Variants in GCNA observed in about 807,000 individuals in gnomAD.
GCNA encodes germ cell nuclear acidic protein.
In GCNA, 3 loss-of-function variants were observed where a neutral mutation model predicts 38.8. That is an observed-to-expected ratio of 0.08 (90% CI 0.04 to 0.20). The LOEUF is 0.20. GCNA is among the 10% of genes least tolerant of loss of function. The pLI, the probability that GCNA is intolerant of heterozygous loss-of-function variation, is 1.00. For synonymous variants in GCNA, 195 were observed against 240.2 expected (o/e 0.81, Z 1.74); for missense variants, 446 against 578.6 (o/e 0.77, Z 2.35).
At chrX:71,588,850 A>G (rs924515983) in intron 2 of GCNA, among the ~76,000 whole-genome samples, 2 of 109,337 alleles carry the variant, frequency 1.8e-5, no homozygotes, top group Non-Finnish European at 3.8e-5. Flanking sequence ...ATAAAATAAA[A>G]TAAAATAGAT....
Position 71,613,262 on chromosome X carries a change from A to C in GCNA, c.*280A>C, listed in dbSNP as rs1294010899. The C allele has an allele frequency of 3.6e-6, 1 of 277,334 alleles. No individual in the cohort carries two copies. The highest frequency in any genetic ancestry group is 2.7e-5 in the African/African-American group (1 of 37,224). 22.9% of individuals were successfully genotyped at this position (277,334 alleles called of 1,213,427 possible). A position where few individuals can be genotyped will look rare whatever the true frequency, so the allele number is the denominator to read the frequency against. On this transcript the variant is annotated 3_prime_UTR_variant, in exon 13 of 13. Coordinates refer to ENST00000373696, the MANE Select transcript of GCNA (RefSeq NM_052957.5). ...TTATTAACGATGATTGACCTTAAAT[A>C]GGGACTCTATTGCTAACCATTCTGT...
chrX:71,612,722 G>T, intron 12 of GCNA, 140 bp from the exon 13 acceptor site: 1 of 993,240 alleles, frequency 1.0e-6, no homozygotes, highest in South Asian at 2.3e-5. Flanking sequence ...GAGCCGGCCT[G>T]ACCACTGCTG....
In GCNA at chrX:71,605,726, C is replaced by G. The variant is rs2040764139; in HGVS notation, c.1463C>G (p.Thr488Ser). The change falls in exon 9 of 13, where the codon ACT becomes AGT. Residue 488 changes from threonine (T) to serine (S), a missense_variant. Transcript: ENST00000373696. Reference sequence around the variant, plus strand: ...GCAGCAAAAGTTGAAAAACGCAAGACTAGGTATGTACTGCTCGCATACAGT... The same window carrying G: ...GCAGCAAAAGTTGAAAAACGCAAGAGTAGGTATGTACTGCTCGCATACAGT... The part of the protein sequence containing the change: ...PGAAKVEKRK[T>S]RTPKCKVPGC... The G allele has an allele frequency of 5.0e-6, 6 of 1,205,597 alleles. No homozygotes were observed. Among genetic ancestry groups the G allele is most frequent in the Admixed American group, 4.4e-5 (2 of 45,704 alleles).
chrX:71,592,870 T>C (rs1233307296), intron 4 of GCNA, among the ~76,000 whole-genome samples: 2 of 112,032 alleles, frequency 1.8e-5, no homozygotes. Flanking sequence ...TACTCCCTTT[T>C]AGTTTTATTT....
At chrX:71,580,114 C>T (rs1251922421) in intron 1 of GCNA, among the ~76,000 whole-genome samples, 1 of 101,269 alleles carries the variant, frequency 9.9e-6, no homozygotes, top group Non-Finnish European at 2.0e-5. Flanking sequence ...GAGAGGTTGA[C>T]ACCCGGTAGG....
rs903879230 is a variant in GCNA, at chrX:71,604,630, A to G, written c.1353A>G (p.Pro451=). 3 of 1,206,866 alleles carry G rather than the reference A, an allele frequency of 2.5e-6. No homozygotes were observed. In the African/African-American group the frequency reaches 5.2e-5, roughly 21 times the overall value. ...RQTKTKNIVE[P]LRKRKAKTKN... ...CAAAGACCAAAAATATAGTGGAGCC[A>G]CTGAGGAAGAGGAAGGCGAAAACCA... is the stretch of plus-strand genomic sequence containing the variant. Residue 451 remains proline, a synonymous_variant, in exon 8 of 13, where the codon CCA becomes CCG. Coordinates refer to ENST00000373696, the MANE Select transcript of GCNA (RefSeq NM_052957.5).
At position 71,604,215 on chromosome X, in the gene GCNA, A is replaced by T; in HGVS notation, c.938A>T (p.Asp313Val). Residue 313 changes from aspartate (D) to valine (V), a missense_variant, in exon 8 of 13, where the codon GAT becomes GTT. Asp to Val is a radical substitution (Grantham distance 152). Coordinates refer to ENST00000373696, the MANE Select transcript of GCNA (RefSeq NM_052957.5). ...EAPDDKSDDS[D>V]VPEDKSDDSD... ...CCCGACGACAAGAGTGATGATTCGG[A>T]TGTTCCCGAAGACAAGAGTGATGAT... 1 of 1,212,660 alleles carries T rather than the reference A, an allele frequency of 8.2e-7. No homozygotes were observed. The highest frequency in any genetic ancestry group is 1.7e-5 in the African/African-American group (1 of 58,074).
At chrX:71,594,432 C>T in intron 5 of GCNA, 55 bp downstream of exon 5, 1 of 1,035,468 alleles carries the variant, frequency 9.7e-7, no homozygotes, top group Non-Finnish European at 1.3e-6. Flanking sequence ...GTAGAGATGA[C>T]TCAACTGTGA....
intron 9 of GCNA, among the ~76,000 whole-genome samples, chrX:71,605,969 G>A (rs2040766714): frequency 8.9e-6 from 1 of 112,507 alleles, no homozygotes; most frequent in Admixed American, 9.4e-5. Flanking sequence ...CTCCGCCAAG[G>A]TGCCTGCAGT....
Position 71,600,592 on chromosome X carries a change from G to A in GCNA, c.310+2554G>A, listed in dbSNP as rs750454071. ...GAGACTATGATTTGAAAATTGCCACGAGTTTGGTTGCTATTTGATCTGTCA... is the reference window on the plus strand; with the variant it reads ...GAGACTATGATTTGAAAATTGCCACAAGTTTGGTTGCTATTTGATCTGTCA... On this transcript the variant is annotated intron_variant, in intron 7 of 12. Transcript: ENST00000373696. Among the ~76,000 whole-genome samples, 8 of 111,962 alleles carry A rather than the reference G, an allele frequency of 7.1e-5. No individual in the cohort carries two copies. The East Asian group carries it at 8.4e-4, about 12-fold the overall frequency.
intron 8 of GCNA, 52 bp from the exon 9 acceptor site, chrX:71,605,611 T>C: frequency 9.3e-7 from 1 of 1,069,774 alleles, no homozygotes; most frequent in Admixed American, 2.4e-5. Flanking sequence ...GGTCTCGTGA[T>C]GGTACCAATT....
intron 2 of GCNA, among the ~76,000 whole-genome samples, chrX:71,586,412 A>G (rs774966872): frequency 1.8e-5 from 2 of 111,038 alleles, no homozygotes; most frequent in East Asian, 5.6e-4. Flanking sequence ...GATGAAATAT[A>G]TTAGAGAAGT....
At chrX:71,596,960 G>A (rs13441079) in intron 6 of GCNA, among the ~76,000 whole-genome samples, 6 of 112,093 alleles carry the variant, frequency 5.4e-5, no homozygotes, top group Non-Finnish European at 1.1e-4. Context: ...TGTGGAGCTA[G>A]AAGTCAGAAG....
intron 10 of GCNA, among the ~76,000 whole-genome samples, chrX:71,610,279 G>C (rs772385610): frequency 7.7e-4 from 86 of 111,935 alleles, no homozygotes; most frequent in African/African-American, 2.5e-3. Flanking sequence ...TTTTATTAGA[G>C]GGTAAAAAAC....
intron 11 of GCNA, 79 bp from the exon 12 acceptor site, chrX:71,612,275 CA>C: frequency 1.3e-6 from 1 of 759,319 alleles, no homozygotes; most frequent in Non-Finnish European, 1.7e-6. Context: ...AAGACTATCT[CA>C]AAAAAGGAAA....
intron 10 of GCNA, 54 bp from the exon 11 acceptor site, chrX:71,610,627 A>G: frequency 1.7e-6 from 2 of 1,185,519 alleles, no homozygotes; most frequent in South Asian, 3.8e-5. Flanking sequence ...AAACAAAAAA[A>G]CAAAAAAACC....
intron 2 of GCNA, among the ~76,000 whole-genome samples, chrX:71,591,139 G>A (rs2040625090): frequency 9.0e-6 from 1 of 111,108 alleles, no homozygotes; most frequent in Admixed American, 9.6e-5. Context: ...GAGTGGCAGT[G>A]GCGGTGAAGT....
intron 2 of GCNA, among the ~76,000 whole-genome samples, chrX:71,585,233 G>T (rs962086153): frequency 1.8e-5 from 2 of 110,424 alleles, no homozygotes; most frequent in Non-Finnish European, 3.8e-5. Flanking sequence ...AGAATTGCTT[G>T]AGCCCAGCAG....
At chrX:71,584,000 G>A (rs750951320) in intron 2 of GCNA, among the ~76,000 whole-genome samples, 8 of 106,695 alleles carry the variant, frequency 7.5e-5, no homozygotes, top group South Asian at 4.2e-4. Flanking sequence ...GTGCCACCAC[G>A]CCCGGCTAAT....
Sources: allele counts gnomAD v4.1 joint callset (sites outside exome capture counted in the v4.1 genomes callset), GRCh38; gene constraint gnomAD v4.1.1; transcripts MANE v1.5; gene names NCBI Gene and HGNC (gene_info 2026-07-23, HGNC 2026-07-21).